Variants in BRD4 observed in about 807,000 individuals in gnomAD.
BRD4 encodes bromodomain containing 4, also known as bromodomain-containing protein 4.
Under a neutral mutation model 142.1 loss-of-function variants are expected in BRD4, and 16 were observed. That is an observed-to-expected ratio of 0.11 (90% confidence interval 0.08 to 0.17). BRD4 has a LOEUF of 0.17. BRD4 is among the 10% of genes least tolerant of loss of function. The pLI is 1.00. For missense variants in BRD4, 1,424 were observed against 1,810.9 expected (o/e 0.79, Z 3.88); for synonymous variants, 833 against 707.5 (o/e 1.18, Z -2.82).
At chr19:15,298,839 T>G (rs1416099705) in intron 1 of BRD4, among the ~76,000 whole-genome samples, 1 of 152,104 alleles carries the variant, frequency 6.6e-6, no homozygotes, top group Non-Finnish European at 1.5e-5. Flanking sequence ...CGACTCCGCC[T>G]AAGACCCAAA....
intron 4 of BRD4, among the ~76,000 whole-genome samples, chr19:15,266,456 C>T (rs1438235774): frequency 6.6e-6 from 1 of 152,204 alleles, no homozygotes; most frequent in Non-Finnish European, 1.5e-5. Context: ...GGCACAACTC[C>T]TGGGCTTCTC....
intron 1 of BRD4, among the ~76,000 whole-genome samples, chr19:15,297,122 G>A (rs745836262): frequency 6.6e-6 from 1 of 152,194 alleles, no homozygotes. Flanking sequence ...ACAGATAGAC[G>A]TTTAAAAGTT....
intron 1 of BRD4, among the ~76,000 whole-genome samples, chr19:15,326,884 A>G (rs2048112855): frequency 6.6e-6 from 1 of 152,208 alleles, no homozygotes; most frequent in African/African-American, 2.4e-5. Context: ...ACTGAAAACA[A>G]ACTGCTTTAA....
intron 1 of BRD4, among the ~76,000 whole-genome samples, chr19:15,309,631 T>C (rs2047949092): frequency 6.6e-6 from 1 of 152,204 alleles, no homozygotes; most frequent in Non-Finnish European, 1.5e-5. Flanking sequence ...AGAGGTATTA[T>C]TCATAAGAGC....
At position 15,319,041 on chromosome 19, in the gene BRD4, T is replaced by A. The variant is rs547878365; in HGVS notation, c.-35+13249A>T. Among the ~76,000 whole-genome samples, 14 of 152,234 alleles carry A rather than the reference T, an allele frequency of 9.2e-5. No homozygotes were observed. The East Asian group carries it at 2.7e-3, about 29-fold the overall frequency. On this transcript the variant is annotated intron_variant, in intron 1 of 19. Transcript: ENST00000679869. ...TAAATGTCTAGAAAAGTAAGATACA[T>A]GTGAAAACCAGCCTGGCACAGTGGC...
chr19:15,318,977 A>G (rs1469104222), intron 1 of BRD4, among the ~76,000 whole-genome samples: 1 of 152,204 alleles, frequency 6.6e-6, no homozygotes, highest in Non-Finnish European at 1.5e-5. Flanking sequence ...AGGACAAACC[A>G]AAATGGGTGA....
At chr19:15,277,834 TCAA>T (rs2047664088) in intron 1 of BRD4, among the ~76,000 whole-genome samples, 1 of 147,584 alleles carries the variant, frequency 6.8e-6, no homozygotes, top group African/African-American at 2.5e-5. Flanking sequence ...CATATAAAAA[TCAA>T]CATGAACACC....
Position 15,329,578 on chromosome 19 carries a change from A to G in BRD4, c.-35+2712T>C, listed in dbSNP as rs1024854574. 2.0e-5 allele frequency among the ~76,000 whole-genome samples: 3 copies of G among 152,012 alleles called. No individual in the cohort carries two copies. In the South Asian group the frequency reaches 6.2e-4, roughly 32 times the overall value. ...ATATGATGAAACCCCGTCTCTACTAAAAATACAAAAATTAGCTGGGCGTGG... is the reference window on the plus strand; with the variant it reads ...ATATGATGAAACCCCGTCTCTACTAGAAATACAAAAATTAGCTGGGCGTGG... On this transcript the variant is annotated intron_variant, in intron 1 of 19. Coordinates refer to ENST00000679869, the MANE Select transcript of BRD4 (RefSeq NM_001379291.1).
chr19:15,295,671 T>A (rs548965249), intron 1 of BRD4, among the ~76,000 whole-genome samples: 1 of 152,300 alleles, frequency 6.6e-6, no homozygotes, highest in East Asian at 1.9e-4. Context: ...AAGGAAGAAA[T>A]AAAACTGCCT....
chr19:15,321,982 G>A (rs955072164), intron 1 of BRD4, among the ~76,000 whole-genome samples: 1 of 151,966 alleles, frequency 6.6e-6, no homozygotes, highest in Non-Finnish European at 1.5e-5. Context: ...AGTCATCATT[G>A]GGCAAATGAC....
At chr19:15,264,333 G>A (rs1365720596) in intron 6 of BRD4, 71 bp downstream of exon 6, 1 of 1,524,486 alleles carries the variant, frequency 6.6e-7, no homozygotes, top group Non-Finnish European at 8.8e-7. Context: ...GGACTAAAAG[G>A]TCTAGGAAGG....
intron 11 of BRD4, chr19:15,247,683 C>T (rs1328003472): frequency 4.3e-6 from 1 of 233,036 alleles, no homozygotes; most frequent in Non-Finnish European, 8.5e-6. Context: ...CCCAATTGTC[C>T]TGTGGGAATC....
At chr19:15,321,485 G>A (rs138535431) in intron 1 of BRD4, among the ~76,000 whole-genome samples, 16 of 151,794 alleles carry the variant, frequency 1.1e-4, no homozygotes, top group Non-Finnish European at 1.8e-4. Flanking sequence ...GTCAGAGATG[G>A]GCAATGATCC....
At chr19:15,318,673 T>C (rs1219786088) in intron 1 of BRD4, among the ~76,000 whole-genome samples, 2 of 152,148 alleles carry the variant, frequency 1.3e-5, no homozygotes, top group Non-Finnish European at 2.9e-5. Context: ...CACTACCACA[T>C]AAATAATGAG....
intron 3 of BRD4, chr19:15,268,339 G>A (rs2047554772): frequency 6.5e-6 from 1 of 153,210 alleles, no homozygotes; most frequent in Non-Finnish European, 1.5e-5. Flanking sequence ...TGGCTACGGG[G>A]TTAGGAAGTG....
intron 1 of BRD4, among the ~76,000 whole-genome samples, chr19:15,330,384 C>T (rs969853277): frequency 6.6e-6 from 1 of 152,078 alleles, no homozygotes; most frequent in Non-Finnish European, 1.5e-5. Flanking sequence ...TGGGGGGAAG[C>T]GCTTGGTTAT....
intron 1 of BRD4, among the ~76,000 whole-genome samples, chr19:15,315,954 G>T (rs909214404): frequency 6.7e-6 from 1 of 149,110 alleles, no homozygotes; most frequent in Non-Finnish European, 1.5e-5. Flanking sequence ...AGGAGATCAA[G>T]ACCATCCTGG....
At chr19:15,254,683 C>T (rs964843846) in intron 10 of BRD4, among the ~76,000 whole-genome samples, 30 of 152,054 alleles carry the variant, frequency 2.0e-4, no homozygotes, top group Non-Finnish European at 3.8e-4. Context: ...GGGGGTCTCT[C>T]AGCACAGCTG....
In BRD4 at chr19:15,243,133, G is replaced by A; in HGVS notation, c.2936C>T (p.Pro979Leu). 1.6e-6 allele frequency: 2 copies of A among 1,275,424 alleles called. No individual in the cohort carries two copies. Among genetic ancestry groups the A allele is most frequent in the Non-Finnish European group, 2.1e-6 (2 of 949,990 alleles). 79.0% of individuals were successfully genotyped at this position (1,275,424 alleles called of 1,614,324 possible). The change falls in exon 14 of 20, where the codon CCA (proline) becomes CTA (leucine). Residue 979 changes from proline (P) to leucine (L), a missense_variant. By Grantham distance (98) the Pro-to-Leu change is moderately conservative (BLOSUM62 -3). Transcript: ENST00000679869. ...CTGGGGTGGAGGCTGGGGCTGGGGT[G>A]GTGGGGGTGGTGGCGGCTGCTGCTG... Reference protein sequence around the residue: ...QLQQQPPPPPPPQPQPPPQQQ... With the variant: ...QLQQQPPPPPLPQPQPPPQQQ...
Sources: gnomAD v4.1 joint callset for allele counts (sites outside exome capture counted in the v4.1 genomes callset) on GRCh38, gnomAD v4.1.1 for gene constraint, MANE v1.5 for transcripts, NCBI Gene and HGNC (gene_info 2026-07-23, HGNC 2026-07-21) for gene names.